Variants in FHIT observed in about 807,000 individuals in gnomAD.
FHIT encodes the protein bis(5'-adenosyl)-triphosphatase.
Under a neutral mutation model 17.9 loss-of-function variants are expected in FHIT, and 19 were observed. That is an observed-to-expected ratio of 1.06 (90% CI 0.74 to 1.56). The LOEUF (loss-of-function observed/expected upper bound fraction) is 1.56. Ranked by LOEUF, FHIT falls within the 40% of genes most tolerant of loss-of-function variation. The pLI, the probability that FHIT is intolerant of heterozygous loss-of-function variation, is 0.00. For missense variants in FHIT, 248 were observed against 189.2 expected (o/e 1.31, Z -1.82); for synonymous variants, 81 against 69.7 (o/e 1.16, Z -0.81).
chr3:60,241,297 A>T (rs1462322697), intron 5 of FHIT, among the ~76,000 whole-genome samples: 2 of 152,142 alleles, frequency 1.3e-5, no homozygotes, highest in African/African-American at 4.8e-5. Context: ...AAACACCAGA[A>T]AATTTATCAA....
At chr3:61,002,388 G>A (rs1346765087) in intron 3 of FHIT, among the ~76,000 whole-genome samples, 4 of 152,018 alleles carry the variant, frequency 2.6e-5, no homozygotes, top group African/African-American at 4.8e-5. Context: ...TCAGCCTCCC[G>A]AGTAGCTGGG....
chr3:59,772,207 ATG>A (rs1451881635), intron 8 of FHIT, among the ~76,000 whole-genome samples: 2 of 151,948 alleles, frequency 1.3e-5, no homozygotes, highest in Admixed American at 1.3e-4. Flanking sequence ...TATAAAGTGA[ATG>A]TTAAGTGAAT....
At chr3:61,037,300 G>GTCA (rs1439519264) in intron 3 of FHIT, among the ~76,000 whole-genome samples, 2 of 152,068 alleles carry the variant, frequency 1.3e-5, no homozygotes, top group Admixed American at 6.5e-5. Context: ...CAGAGTGCTT[G>GTCA]GATTCTAGCT....
At chr3:60,580,968 G>A (rs2037731459) in intron 4 of FHIT, among the ~76,000 whole-genome samples, 1 of 152,048 alleles carries the variant, frequency 6.6e-6, no homozygotes, top group African/African-American at 2.4e-5. Flanking sequence ...TTAAAATGCA[G>A]ATTCTGATTA....
chr3:60,257,933 C>G (rs951757019), intron 5 of FHIT, among the ~76,000 whole-genome samples: 1 of 152,068 alleles, frequency 6.6e-6, no homozygotes, highest in Admixed American at 6.6e-5. Context: ...GGAAGAAGAG[C>G]TAATGGATGC....
chr3:59,836,718 G>A (rs1701352180), intron 8 of FHIT, among the ~76,000 whole-genome samples: 1 of 152,144 alleles, frequency 6.6e-6, no homozygotes, highest in Non-Finnish European at 1.5e-5. Flanking sequence ...GCTGTTAACA[G>A]GTGCAGCCAC....
At chr3:60,260,202 C>T (rs1559769142) in intron 5 of FHIT, among the ~76,000 whole-genome samples, 3 of 151,730 alleles carry the variant, frequency 2.0e-5, no homozygotes, top group South Asian at 2.1e-4. Flanking sequence ...TTCTAAGGGC[C>T]GTAGAGGGTG....
At chr3:59,760,736 C>G (rs922651548) in intron 8 of FHIT, among the ~76,000 whole-genome samples, 21 of 152,258 alleles carry the variant, frequency 1.4e-4, no homozygotes, top group African/African-American at 4.8e-4. Flanking sequence ...ATCAGTAATT[C>G]TATCCTCAAA....
chr3:59,958,131 C>T (rs1038771717), intron 7 of FHIT, among the ~76,000 whole-genome samples: 2 of 152,190 alleles, frequency 1.3e-5, no homozygotes, highest in African/African-American at 4.8e-5. Context: ...CAAATTAAAG[C>T]CCTTCTCTAG....
At chr3:60,971,108 C>T (rs113012063) in intron 3 of FHIT, among the ~76,000 whole-genome samples, 478 of 152,254 alleles carry the variant, frequency 3.1e-3, no homozygotes, top group African/African-American at 0.011. Context: ...TGGCTTACAC[C>T]TGTAATCCCA....
chr3:60,470,949 T>G lies in FHIT; in HGVS notation c.103+65911A>C, dbSNP rs1216035683. On this transcript the variant is annotated intron_variant, in intron 5 of 9. Coordinates refer to ENST00000492590, the MANE Select transcript of FHIT (RefSeq NM_002012.4). ...GGTGATGCACTCTGCAAGAACTGAG[T>G]CCCTCCCTTCATTCAAGGCAGCAGG... Among the ~76,000 whole-genome samples, 4 of 151,984 alleles carry G rather than the reference T, an allele frequency of 2.6e-5. No individual in the cohort carries two copies. In the East Asian group the frequency reaches 7.8e-4, roughly 29 times the overall value.
chr3:60,482,296 T>C (rs2033644711), intron 5 of FHIT, among the ~76,000 whole-genome samples: 1 of 152,128 alleles, frequency 6.6e-6, no homozygotes, highest in Admixed American at 6.6e-5. Context: ...ATTCAGGACA[T>C]AAACTCAGCT....
At chr3:60,453,036 T>C (rs950613025) in intron 5 of FHIT, among the ~76,000 whole-genome samples, 22 of 152,262 alleles carry the variant, frequency 1.4e-4, no homozygotes, top group African/African-American at 5.3e-4. Context: ...AAGTACAAAA[T>C]GAACACTTCC....
At chr3:60,575,552 A>T (rs1553657289) in intron 4 of FHIT, among the ~76,000 whole-genome samples, 2 of 152,198 alleles carry the variant, frequency 1.3e-5, no homozygotes, top group African/African-American at 4.8e-5. Context: ...TAATCAAATA[A>T]GATTTTCATT....
chr3:60,899,739 C>G (rs1368384476), intron 3 of FHIT, among the ~76,000 whole-genome samples: 3 of 152,176 alleles, frequency 2.0e-5, no homozygotes, highest in African/African-American at 7.2e-5. Context: ...GATTATCAGG[C>G]TGCCTTGGCT....
At chr3:61,203,088 G>A (rs1450231554) in intron 1 of FHIT, among the ~76,000 whole-genome samples, 1 of 150,654 alleles carries the variant, frequency 6.6e-6, no homozygotes, top group Admixed American at 6.7e-5. Flanking sequence ...GCTGAGGCAG[G>A]AGAATGGTGT....
At chr3:59,981,571 T>C (rs114498608) in intron 7 of FHIT, among the ~76,000 whole-genome samples, 119 of 152,196 alleles carry the variant, frequency 7.8e-4, no homozygotes, top group African/African-American at 2.6e-3. Context: ...ACCGAACCTA[T>C]AGATAACATC....
At chr3:61,050,600 AT>A (rs1379696927) in intron 2 of FHIT, among the ~76,000 whole-genome samples, 2 of 152,236 alleles carry the variant, frequency 1.3e-5, no homozygotes, top group Non-Finnish European at 2.9e-5. Context: ...GTGACAAGAT[AT>A]GATATCCAGC....
intron 5 of FHIT, among the ~76,000 whole-genome samples, chr3:60,137,767 G>A (rs1699875728): frequency 6.6e-6 from 1 of 152,170 alleles, no homozygotes; most frequent in Non-Finnish European, 1.5e-5. Flanking sequence ...CTCTTCACCT[G>A]TAAAATGAGG....
Sources: gnomAD v4.1 joint callset for allele counts (sites outside exome capture counted in the v4.1 genomes callset) on GRCh38, gnomAD v4.1.1 for gene constraint, MANE v1.5 for transcripts, NCBI Gene and HGNC (gene_info 2026-07-23, HGNC 2026-07-21) for gene names.